Variants in NEIL2 observed in about 807,000 individuals in gnomAD.
The protein encoded by NEIL2 is endonuclease 8-like 2.
Under a neutral mutation model 22.2 loss-of-function variants are expected in NEIL2, and 23 were observed. The ratio of observed to expected loss-of-function variants is 1.04; its 90% confidence interval spans 0.75 to 1.47. The LOEUF (loss-of-function observed/expected upper bound fraction) is 1.47, where lower values mean the gene tolerates loss of function less well. Ranked by LOEUF, NEIL2 falls within the 40% of genes most tolerant of loss-of-function variation. The pLI is 0.00. For synonymous variants in NEIL2, 229 were observed against 164.8 expected (o/e 1.39, Z -2.99); for missense variants, 583 against 404.7 (o/e 1.44, Z -3.78).
chr8:11,776,305 C>T (rs1346584721), intron 2 of NEIL2, among the ~76,000 whole-genome samples: 12 of 152,216 alleles, frequency 7.9e-5, no homozygotes, highest in Admixed American at 7.9e-4. Flanking sequence ...AAAAACCCAT[C>T]CCCATGATTC....
intron 4 of NEIL2, among the ~76,000 whole-genome samples, chr8:11,785,206 T>A (rs8191659): frequency 0.49 from 70,429 of 142,946 alleles, 16,412 homozygotes; most frequent in African/African-American, 0.51. Flanking sequence ...TAAAAAAAAA[T>A]TTTTTTTGAG....
rs1323923752 is a variant in NEIL2, at chr8:11,769,785, G to C, written c.-553G>C. ...GGTCGGGCCGACGTGCCACCCACCC[G>C]GAGCCGGTGAGTGCAGCCGCCCGCC... On this transcript the variant is annotated 5_prime_UTR_variant, in exon 1 of 5. Transcript: ENST00000284503. 6.6e-6 allele frequency: 1 copy of C among 152,322 alleles called. No homozygotes were observed. The highest frequency in any genetic ancestry group is 1.5e-5 in the Non-Finnish European group (1 of 68,142). The allele number at this position is 152,322 out of a possible 1,614,324, so 9.4% of individuals were successfully genotyped here.
Position 11,785,818 on chromosome 8 carries a change from C to T in NEIL2, c.689-145C>T, listed in dbSNP as rs1487181171. 8 of 778,400 alleles carry T rather than the reference C, an allele frequency of 1.0e-5. No homozygotes were observed. In the African/African-American group the frequency reaches 1.4e-4, roughly 13 times the overall value. The allele number at this position is 778,400 out of a possible 1,614,324, so 48.2% of individuals were successfully genotyped here. A position where few individuals can be genotyped will look rare whatever the true frequency, so the allele number is the denominator to read the frequency against. ...GGAATTGTCAACTCCATTTTACAGA[C>T]AGAGAAATGGAGTCAGAGATCGCAG... On this transcript the variant is annotated intron_variant, in intron 4 of 4. Transcript: ENST00000284503.
chr8:11,781,357 C>T (rs192844010), intron 3 of NEIL2, among the ~76,000 whole-genome samples: 13 of 152,284 alleles, frequency 8.5e-5, no homozygotes, highest in African/African-American at 2.4e-4. Flanking sequence ...GCACTTTCCA[C>T]GCATTGGTTT....
At position 11,779,566 on chromosome 8, in the gene NEIL2, G is replaced by C; in HGVS notation, c.139-32G>C. 4 of 1,530,156 alleles carry C rather than the reference G, an allele frequency of 2.6e-6. No individual in the cohort carries two copies. The East Asian group carries it at 9.0e-5, about 34-fold the overall frequency. 94.8% of individuals were successfully genotyped at this position (1,530,156 alleles called of 1,614,324 possible). The stretch of plus-strand genomic sequence containing the variant: ...TTCCCCAGTTCCCCTCTCTGGGTCT[G>C]TAAGGCTTGGATCTCTGTTCATTTT... On this transcript the variant is annotated intron_variant, in intron 2 of 4. Coordinates refer to ENST00000284503, the MANE Select transcript of NEIL2 (RefSeq NM_145043.4).
chr8:11,782,885 T>C (rs1017529712), intron 3 of NEIL2: 5 of 403,094 alleles, frequency 1.2e-5, no homozygotes, highest in African/African-American at 1.1e-4. Flanking sequence ...AGCCACAGAG[T>C]GTGCTCTATG....
In NEIL2 at chr8:11,779,960, T is replaced by C; in HGVS notation, c.491+10T>C. The C allele has an allele frequency of 6.2e-7, 1 of 1,610,926 alleles. No individual in the cohort carries two copies. The highest frequency in any genetic ancestry group is 8.5e-7 in the Non-Finnish European group (1 of 1,177,244). On this transcript the variant is annotated intron_variant, in intron 3 of 4. Transcript: ENST00000284503. ...GGGACCCTTCCCCGAGGTAATGGTG[T>C]GGCCATCTGATTTTCGTGGGCTCTG...
At chr8:11,782,442 A>T (rs1804509097) in intron 3 of NEIL2, among the ~76,000 whole-genome samples, 1 of 152,148 alleles carries the variant, frequency 6.6e-6, no homozygotes, top group Non-Finnish European at 1.5e-5. Flanking sequence ...AACACATTAT[A>T]AGTCAAAAAA....
At chr8:11,772,672 C>T (rs987765551) in intron 2 of NEIL2, among the ~76,000 whole-genome samples, 1 of 152,160 alleles carries the variant, frequency 6.6e-6, no homozygotes, top group African/African-American at 2.4e-5. Context: ...CAGTATTGTG[C>T]CCCCAGCACT....
At chr8:11,771,751 A>G (rs1487599796) in intron 2 of NEIL2, among the ~76,000 whole-genome samples, 166 bp downstream of exon 2, 2 of 152,164 alleles carry the variant, frequency 1.3e-5, no homozygotes, top group African/African-American at 2.4e-5. Context: ...CCAGAAGTAG[A>G]TATCGCTGTG....
chr8:11,773,900 A>C (rs1367684767), intron 2 of NEIL2, among the ~76,000 whole-genome samples: 1 of 152,190 alleles, frequency 6.6e-6, no homozygotes, highest in Non-Finnish European at 1.5e-5. Context: ...CAACATTGGA[A>C]ACCAAGCTCC....
rs1190572102 is a variant in NEIL2 at position 11,783,333 on chromosome 8, G to C, written c.622G>C (p.Glu208Gln). Residue 208 changes from glutamate (E) to glutamine (Q), a missense_variant, in exon 4 of 5, where the codon GAA becomes CAA. Coordinates refer to ENST00000284503, the MANE Select transcript of NEIL2 (RefSeq NM_145043.4). ...SEKFHRGQAL[E>Q]ALGQAQPVCY... is the part of the protein sequence containing the mutation. ...GAAGTTCCATCGAGGACAAGCCTTA[G>C]AAGCTCTAGGCCAGGCTCAGCCTGT... The C allele has an allele frequency of 1.9e-6, 3 of 1,614,098 alleles. No individual in the cohort carries two copies. The highest frequency in any genetic ancestry group is 2.2e-5 in the South Asian group (2 of 91,088).
intron 2 of NEIL2, among the ~76,000 whole-genome samples, chr8:11,775,115 C>T (rs899066886): frequency 2.0e-5 from 3 of 152,274 alleles, no homozygotes; most frequent in African/African-American, 7.2e-5. Flanking sequence ...GCTCTAACCC[C>T]GTCTTTTCCT....
chr8:11,784,677 T>C (rs369936505), intron 4 of NEIL2, among the ~76,000 whole-genome samples: 1 of 152,160 alleles, frequency 6.6e-6, no homozygotes, highest in South Asian at 2.1e-4. Context: ...CTCAGTCCAC[T>C]GTGGGTTACT....
intron 1 of NEIL2, among the ~76,000 whole-genome samples, chr8:11,770,762 G>GA (rs1443820846): frequency 6.6e-6 from 1 of 152,054 alleles, no homozygotes. Context: ...GGACTGGGAT[G>GA]ATTTGGGGGC....
At chr8:11,773,803 T>C (rs1472231870) in intron 2 of NEIL2, among the ~76,000 whole-genome samples, 2 of 152,186 alleles carry the variant, frequency 1.3e-5, no homozygotes, top group African/African-American at 4.8e-5. Flanking sequence ...TGTGTTGGAT[T>C]ACTCATAACA....
chr8:11,782,991 T>C (rs915542593), intron 3 of NEIL2: 2 of 636,342 alleles, frequency 3.1e-6, no homozygotes, highest in Non-Finnish European at 5.9e-6. Context: ...GATGTGTGTA[T>C]GTGTGCATGA....
At chr8:11,784,821 A>G (rs1188057268) in intron 4 of NEIL2, among the ~76,000 whole-genome samples, 2 of 152,084 alleles carry the variant, frequency 1.3e-5, no homozygotes, top group African/African-American at 4.8e-5. Context: ...ATAATAAGAT[A>G]ACAGCTCCCG....
At chr8:11,777,113 A>G (rs1042582636) in intron 2 of NEIL2, among the ~76,000 whole-genome samples, 2 of 151,072 alleles carry the variant, frequency 1.3e-5, no homozygotes, top group Non-Finnish European at 2.9e-5. Flanking sequence ...CTCATCATGT[A>G]GACTCTTCTT....
Sources: allele counts gnomAD v4.1 joint callset (sites outside exome capture counted in the v4.1 genomes callset), GRCh38; gene constraint gnomAD v4.1.1; transcripts MANE v1.5; gene names NCBI Gene and HGNC (gene_info 2026-07-23, HGNC 2026-07-21).